The following MGAT4C variants were observed in gnomAD, a reference collection of about 807,000 sequenced individuals.
The protein encoded by MGAT4C is alpha-1,3-mannosyl-glycoprotein 4-beta-N-acetylglucosaminyltransferase C.
Under a neutral mutation model 40.1 loss-of-function variants are expected in MGAT4C, and 19 were observed. That is an observed-to-expected ratio of 0.47 (90% confidence interval 0.33 to 0.70). The LOEUF is 0.70. Among genes scored for constraint, MGAT4C ranks in the 30% least tolerant of loss-of-function variants. MGAT4C has a pLI of 0.02. For missense variants in MGAT4C, 491 were observed against 563.2 expected, an observed-to-expected ratio of 0.87 and a Z score of 1.30; for synonymous variants, 181 against 187.1, an observed-to-expected ratio of 0.97 and a Z score of 0.27.
intron 2 of MGAT4C, among the ~76,000 whole-genome samples, chr12:86,484,352 G>A (rs1199881339): frequency 6.6e-6 from 1 of 152,158 alleles, no homozygotes; most frequent in Non-Finnish European, 1.5e-5. Context: ...TGCAGGACTG[G>A]GTACATCTGT....
intron 2 of MGAT4C, among the ~76,000 whole-genome samples, chr12:86,517,938 G>A (rs1201925125): frequency 1.3e-5 from 2 of 152,110 alleles, no homozygotes; most frequent in Admixed American, 6.5e-5. Flanking sequence ...GTGAGCCACC[G>A]TGCCCGGCCG....
intron 1 of MGAT4C, among the ~76,000 whole-genome samples, chr12:86,784,090 AC>A (rs1380976493): frequency 6.6e-6 from 1 of 151,906 alleles, no homozygotes; most frequent in Non-Finnish European, 1.5e-5. Context: ...ATATTCATCT[AC>A]AATATTCCTG....
At chr12:86,426,842 G>A (rs1956935059) in intron 3 of MGAT4C, among the ~76,000 whole-genome samples, 1 of 152,164 alleles carries the variant, frequency 6.6e-6, no homozygotes, top group Non-Finnish European at 1.5e-5. Flanking sequence ...AGCCACTCGG[G>A]AGGCTGAGGC....
At chr12:86,617,378 T>A (rs1008203403) in intron 2 of MGAT4C, among the ~76,000 whole-genome samples, 1 of 152,318 alleles carries the variant, frequency 6.6e-6, no homozygotes, top group South Asian at 2.1e-4. Context: ...AAATTGAAAG[T>A]GTTCATTAAT....
intron 1 of MGAT4C, among the ~76,000 whole-genome samples, chr12:86,147,476 C>T (rs1182629212): frequency 1.3e-5 from 2 of 152,194 alleles, no homozygotes; most frequent in Non-Finnish European, 1.5e-5. Context: ...CTCCTGACCT[C>T]GTGATCCACC....
intron 3 of MGAT4C, among the ~76,000 whole-genome samples, chr12:86,400,733 CAG>C (rs1956341282): frequency 6.6e-6 from 1 of 152,072 alleles, no homozygotes; most frequent in East Asian, 1.9e-4. Flanking sequence ...TCAGATGTCA[CAG>C]GGAATTTTGT....
At chr12:86,536,897 T>C (rs1317529489) in intron 2 of MGAT4C, among the ~76,000 whole-genome samples, 1 of 152,250 alleles carries the variant, frequency 6.6e-6, no homozygotes, top group Non-Finnish European at 1.5e-5. Flanking sequence ...TAAATCATGC[T>C]GCTATAAAGA....
chr12:86,464,896 A>G (rs1318235611), intron 2 of MGAT4C, among the ~76,000 whole-genome samples: 1 of 152,116 alleles, frequency 6.6e-6, no homozygotes, highest in Non-Finnish European at 1.5e-5. Context: ...TGAATAATGC[A>G]TTATATTTAT....
intron 2 of MGAT4C, among the ~76,000 whole-genome samples, chr12:86,486,342 G>T (rs569818813): frequency 1.4e-5 from 2 of 144,538 alleles, no homozygotes; most frequent in African/African-American, 5.1e-5. Context: ...ACATGTACAG[G>T]TTCAACATAA....
intron 1 of MGAT4C, among the ~76,000 whole-genome samples, chr12:86,778,553 A>G (rs1296356176): frequency 6.6e-6 from 1 of 152,184 alleles, no homozygotes; most frequent in African/African-American, 2.4e-5. Flanking sequence ...TATCTCCAAC[A>G]TCCTCACCAC....
At chr12:86,101,719 G>A (rs839093) in intron 1 of MGAT4C, among the ~76,000 whole-genome samples, 87,271 of 151,522 alleles carry the variant, frequency 0.58, 25,428 homozygotes, top group South Asian at 0.72. Context: ...GCTGGTTTGA[G>A]AGAAGTGTAG....
chr12:86,359,063 C>T (rs1170615093), intron 3 of MGAT4C, among the ~76,000 whole-genome samples: 1 of 152,140 alleles, frequency 6.6e-6, no homozygotes, highest in African/African-American at 2.4e-5. Context: ...CCAAAATTGA[C>T]CACATAGTTG....
chr12:86,274,359 G>A (rs1953019023), intron 4 of MGAT4C, among the ~76,000 whole-genome samples: 1 of 152,032 alleles, frequency 6.6e-6, no homozygotes, highest in East Asian at 1.9e-4. Flanking sequence ...TCTTTAAAAA[G>A]TGGATATCAT....
chr12:86,174,563 C>A (rs1471682577), intron 1 of MGAT4C, among the ~76,000 whole-genome samples: 2 of 152,038 alleles, frequency 1.3e-5, no homozygotes, highest in African/African-American at 4.8e-5. Context: ...TTGTTGAAAT[C>A]CAAGCATTAT....
intron 2 of MGAT4C, among the ~76,000 whole-genome samples, chr12:86,726,827 G>A (rs1950829103): frequency 2.6e-5 from 4 of 152,082 alleles, no homozygotes; most frequent in Non-Finnish European, 5.9e-5. Flanking sequence ...TAGAGATGTT[G>A]TCCACAAAGG....
In MGAT4C at chr12:86,303,293, G is replaced by T. The variant is rs534660278; in HGVS notation, c.-57+30772C>A. On this transcript the variant is annotated intron_variant, in intron 4 of 7. Coordinates refer to the MGAT4C transcript ENST00000548651. ...CCTTTCTCCAGAGCTCTGAAACCAT[G>T]CCAGCCTCTCTGAATTTTCAAATTA... Among the ~76,000 whole-genome samples the T allele has an allele frequency of 1.8e-4, 27 of 150,542 alleles. 4 individuals are homozygous for T. Among genetic ancestry groups the T allele is most frequent in the African/African-American group, 5.2e-4 (21 of 40,000 alleles).
chr12:86,203,613 T>C (rs943854193), intron 1 of MGAT4C, among the ~76,000 whole-genome samples: 1 of 152,090 alleles, frequency 6.6e-6, no homozygotes, highest in African/African-American at 2.4e-5. Context: ...AAATGCCAGA[T>C]TGAATGTGGA....
intron 3 of MGAT4C, among the ~76,000 whole-genome samples, chr12:86,368,705 C>T (rs989949340): frequency 6.6e-6 from 1 of 151,852 alleles, no homozygotes; most frequent in African/African-American, 2.4e-5. Flanking sequence ...TCTTTCTCTT[C>T]TTATTGATTT....
At chr12:86,690,418 C>T (rs1421724440) in intron 2 of MGAT4C, among the ~76,000 whole-genome samples, 1 of 152,146 alleles carries the variant, frequency 6.6e-6, no homozygotes, top group Non-Finnish European at 1.5e-5. Flanking sequence ...CAGTTTTGTG[C>T]TTGAAACCCA....
Sources: gnomAD v4.1 joint callset for allele counts (sites outside exome capture counted in the v4.1 genomes callset) on GRCh38, gnomAD v4.1.1 for gene constraint, MANE v1.5 for transcripts, NCBI Gene and HGNC (gene_info 2026-07-23, HGNC 2026-07-21) for gene names.